Variants in SMYD3 observed in about 807,000 individuals in gnomAD.
The protein encoded by SMYD3 is histone-lysine N-methyltransferase SMYD3.
Under a neutral mutation model 57.7 loss-of-function variants are expected in SMYD3, and 36 were observed. The ratio of observed to expected loss-of-function variants is 0.62; its 90% CI spans 0.48 to 0.82. The LOEUF is 0.82. Among genes scored for constraint, SMYD3 ranks in the 40% least tolerant of loss-of-function variants. The pLI is 0.00. For synonymous variants in SMYD3, 211 were observed against 195.0 expected (o/e 1.08, Z -0.68); for missense variants, 515 against 538.8 (o/e 0.96, Z 0.44).
chr1:246,467,976 C>T (rs1172863525), intron 1 of SMYD3, among the ~76,000 whole-genome samples: 1 of 152,124 alleles, frequency 6.6e-6, no homozygotes, highest in East Asian at 1.9e-4. Context: ...GCCTGGGCAA[C>T]ATGGCGAAAC....
intron 1 of SMYD3, among the ~76,000 whole-genome samples, chr1:246,466,311 T>C (rs928278102): frequency 6.6e-6 from 1 of 152,006 alleles, no homozygotes; most frequent in African/African-American, 2.4e-5. Context: ...ATAAAGAAAA[T>C]GTACCTATAC....
intron 5 of SMYD3, among the ~76,000 whole-genome samples, chr1:246,187,799 C>T (rs2062665933): frequency 6.6e-6 from 1 of 152,096 alleles, no homozygotes; most frequent in Admixed American, 6.5e-5. Flanking sequence ...GAACCCATTC[C>T]TTGGAGATAA....
At position 246,203,660 on chromosome 1, in the gene SMYD3, T is replaced by C. The variant is rs1246861784; in HGVS notation, c.531+123541A>G. Among the ~76,000 whole-genome samples the C allele has an allele frequency of 6.6e-6, 1 of 152,124 alleles. No individual in the cohort carries two copies. Among genetic ancestry groups the C allele is most frequent in the Non-Finnish European group, 1.5e-5 (1 of 68,014 alleles). On this transcript the variant is annotated intron_variant, in intron 5 of 11. Transcript: ENST00000490107. This position sits in a 1 kb window ranked among gnomAD's most constrained non-coding sequence, Gnocchi z 4.6. ...CCTAAAGGCCTCATGTTAAATCACC[T>C]CTTCAAAGACCTTCTCTCCAAATAT...
rs187393654 is a variant in SMYD3 at position 246,228,385 on chromosome 1, C to T, written c.531+98816G>A. Among the ~76,000 whole-genome samples, 6 of 152,208 alleles carry T rather than the reference C, an allele frequency of 3.9e-5. No individual in the cohort carries two copies. In the East Asian group the frequency reaches 7.7e-4, roughly 20 times the overall value. Reference sequence around the variant, plus strand: ...CTTACAGGACTCTTGGGATTGTGTCCTTTTTAAGACAACACAAAGTTCATA... The same window carrying T: ...CTTACAGGACTCTTGGGATTGTGTCTTTTTTAAGACAACACAAAGTTCATA... On this transcript the variant is annotated intron_variant, in intron 5 of 11. Coordinates refer to ENST00000490107, the MANE Select transcript of SMYD3 (RefSeq NM_001167740.2).
chr1:246,052,328 G>A (rs1157324858), intron 5 of SMYD3, among the ~76,000 whole-genome samples: 1 of 152,172 alleles, frequency 6.6e-6, no homozygotes, highest in African/African-American at 2.4e-5. Context: ...GACGGCATGT[G>A]ATCAGACAAC....
chr1:246,026,059 G>C (rs1475979789), intron 5 of SMYD3: 1 of 152,198 alleles, frequency 6.6e-6, no homozygotes, highest in East Asian at 1.9e-4. Flanking sequence ...CCAGGAGGTA[G>C]GTTGCAGTGA....
intron 10 of SMYD3, among the ~76,000 whole-genome samples, chr1:245,776,467 G>T (rs938933587): frequency 3.9e-5 from 6 of 152,174 alleles, no homozygotes; most frequent in Admixed American, 1.3e-4. Context: ...AATAGAAGAT[G>T]AAATATAGTT....
In SMYD3 at chr1:246,125,077, A is replaced by ACACACACACACACACACACAC. The variant is rs1553295580; in HGVS notation, c.532-195141_532-195140insGTGTGTGTGTGTGTGTGTGTG. ...ACAGAGCGAGACTCCGTCTCAAAAA[A>ACACACACACACACACACACAC]AAAAAAAAAAACACACACACACACA... On this transcript the variant is annotated intron_variant, in intron 5 of 11. Transcript: ENST00000490107. Among the ~76,000 whole-genome samples, 53 of 104,304 alleles carry ACACACACACACACACACACAC rather than the reference A, an allele frequency of 5.1e-4. 1 individual carries two copies. Among genetic ancestry groups the ACACACACACACACACACACAC allele is most frequent in the African/African-American group, 1.4e-3 (47 of 32,966 alleles). The allele number at this position is 104,304 out of a possible 152,430, so 68.4% of individuals were successfully genotyped here. A position where few individuals can be genotyped will look rare whatever the true frequency, so the allele number is the denominator to read the frequency against.
At chr1:245,830,070 A>G (rs1454213083) in intron 10 of SMYD3, among the ~76,000 whole-genome samples, 1 of 152,200 alleles carries the variant, frequency 6.6e-6, no homozygotes, top group East Asian at 1.9e-4. Context: ...ATATGCTAAA[A>G]GCCACTGAGT....
intron 5 of SMYD3, among the ~76,000 whole-genome samples, chr1:246,294,911 C>A (rs982555465): frequency 1.3e-5 from 2 of 152,150 alleles, no homozygotes; most frequent in African/African-American, 4.8e-5. Flanking sequence ...ATTAGCCTTT[C>A]TGCCTACAAA....
At chr1:245,843,735 A>C (rs923878549) in intron 10 of SMYD3, among the ~76,000 whole-genome samples, 1 of 152,178 alleles carries the variant, frequency 6.6e-6, no homozygotes, top group Non-Finnish European at 1.5e-5. Flanking sequence ...GTGTGGTCCT[A>C]ACCTTATGGA....
intron 8 of SMYD3, among the ~76,000 whole-genome samples, chr1:245,877,818 C>T (rs544736500): frequency 1.3e-5 from 2 of 152,172 alleles, no homozygotes; most frequent in East Asian, 1.9e-4. Context: ...GTACAGTTAC[C>T]CCTAGGAAGC....
At chr1:245,921,586 T>C (rs1254656650) in intron 7 of SMYD3, among the ~76,000 whole-genome samples, 4 of 149,608 alleles carry the variant, frequency 2.7e-5, no homozygotes, top group African/African-American at 9.9e-5. Flanking sequence ...TACCATGGAA[T>C]AGTATGCAGC....
intron 10 of SMYD3, among the ~76,000 whole-genome samples, chr1:245,826,030 T>TTTTTTTTTTTTTTTTTTTTTGAG (rs1572449561): frequency 3.6e-5 from 5 of 138,326 alleles, no homozygotes; most frequent in Non-Finnish European, 7.9e-5. Context: ...ATGTTGTATT[T>TTTTTTTTTTTTTTTTTTTTTGAG]AATTAAATAT....
intron 10 of SMYD3, among the ~76,000 whole-genome samples, chr1:245,827,961 C>T (rs1234320993): frequency 6.6e-6 from 1 of 152,074 alleles, no homozygotes; most frequent in African/African-American, 2.4e-5. Flanking sequence ...TGCCCTAAAG[C>T]CTGAAGTGGG....
intron 1 of SMYD3, among the ~76,000 whole-genome samples, chr1:246,420,057 G>C (rs2067119330): frequency 6.6e-6 from 1 of 152,162 alleles, no homozygotes; most frequent in Non-Finnish European, 1.5e-5. Context: ...AAATTAGCCA[G>C]GTGTGGTCGC....
At chr1:245,784,547 C>T (rs1462113339) in intron 10 of SMYD3, among the ~76,000 whole-genome samples, 2 of 152,112 alleles carry the variant, frequency 1.3e-5, no homozygotes, top group Non-Finnish European at 2.9e-5. Flanking sequence ...TCATTTTCAC[C>T]TCTGGCACCT....
chr1:246,053,712 G>A (rs147720921), intron 5 of SMYD3, among the ~76,000 whole-genome samples: 1 of 152,168 alleles, frequency 6.6e-6, no homozygotes, highest in Non-Finnish European at 1.5e-5. Flanking sequence ...CTACTCGAGA[G>A]GCTGAGACAA....
intron 2 of SMYD3, among the ~76,000 whole-genome samples, chr1:246,343,693 G>C (rs1306336589): frequency 6.6e-6 from 1 of 152,164 alleles, no homozygotes; most frequent in Non-Finnish European, 1.5e-5. Flanking sequence ...AGCAATGGAA[G>C]GTTAATGTAC....
Sources: gnomAD v4.1 joint callset for allele counts (sites outside exome capture counted in the v4.1 genomes callset) on GRCh38, gnomAD v4.1.1 for gene constraint, Gnocchi (gnomAD v3.1) non-coding constraint, MANE v1.5 for transcripts, NCBI Gene and HGNC (gene_info 2026-07-23, HGNC 2026-07-21) for gene names.